GASK1B: variants seen among roughly 807,000 people sequenced by gnomAD.
GASK1B encodes the protein Golgi-associated kinase 1B.
In GASK1B, 34 loss-of-function variants were observed where a neutral mutation model predicts 42.8. The ratio of observed to expected loss-of-function variants is 0.79; its 90% CI spans 0.60 to 1.06. The LOEUF (loss-of-function observed/expected upper bound fraction) is 1.06, where lower values mean the gene tolerates loss of function less well. GASK1B is among the 50% of genes least tolerant of loss of function. GASK1B has a pLI of 0.00. For synonymous variants in GASK1B, 262 were observed against 259.1 expected, an observed-to-expected ratio of 1.01 and a Z score of -0.11; for missense variants, 686 against 661.0, an observed-to-expected ratio of 1.04 and a Z score of -0.42.
chr4:158,130,548 T>C (rs1228969664), intron 4 of GASK1B, among the ~76,000 whole-genome samples: 1 of 152,186 alleles, frequency 6.6e-6, no homozygotes, highest in African/African-American at 2.4e-5. Context: ...ACATCATGAA[T>C]GTGAAATGTA....
chr4:158,135,013 C>G (rs1388712901), intron 3 of GASK1B, among the ~76,000 whole-genome samples: 1 of 152,080 alleles, frequency 6.6e-6, no homozygotes, highest in Admixed American at 6.5e-5. Context: ...TAATTTCAGG[C>G]AATGCTTGGA....
intron 3 of GASK1B, among the ~76,000 whole-genome samples, chr4:158,137,326 G>C (rs180821013): frequency 6.8e-6 from 1 of 146,818 alleles, no homozygotes. Flanking sequence ...TTCAATCCAA[G>C]TTACCTCATT....
chr4:158,156,644 A>G (rs1445706559), intron 2 of GASK1B, among the ~76,000 whole-genome samples: 2 of 152,212 alleles, frequency 1.3e-5, no homozygotes, highest in African/African-American at 2.4e-5. Flanking sequence ...ATCCAGACAC[A>G]TTAAACAACA....
intron 2 of GASK1B, among the ~76,000 whole-genome samples, chr4:158,156,903 T>G (rs17037177): frequency 0.02 from 3,057 of 152,252 alleles, 105 homozygotes; most frequent in African/African-American, 0.068. Context: ...AAACCTCTCT[T>G]AAATAGCCTT....
intron 3 of GASK1B, among the ~76,000 whole-genome samples, chr4:158,150,568 A>T (rs1028623286): frequency 6.6e-6 from 1 of 152,212 alleles, no homozygotes; most frequent in African/African-American, 2.4e-5. Context: ...AATGTCTATC[A>T]ACCTGTGGCA....
rs1334906883 is a variant in GASK1B at position 158,168,691 on chromosome 4, G to A, written c.910+1775C>T. The A allele has an allele frequency of 2.0e-5, 3 of 152,086 alleles. No individual in the cohort carries two copies. In the East Asian group the frequency reaches 5.8e-4, roughly 29 times the overall value. 9.4% of individuals were successfully genotyped at this position (152,086 alleles called of 1,614,324 possible). A position where few individuals can be genotyped will look rare whatever the true frequency, so the allele number is the denominator to read the frequency against. On this transcript the variant is annotated intron_variant, in intron 2 of 4. Transcript: ENST00000585682. ...CTAGTCAGTCCAACTCCACGGCCCA[G>A]GCTCTTAGCCACTACTGCATTCTCC...
chr4:158,159,515 C>A (rs1175423821), intron 2 of GASK1B: 1 of 450,624 alleles, frequency 2.2e-6, no homozygotes, highest in Admixed American at 2.4e-5. Context: ...AAGCAACTTA[C>A]CCTGAAGTGT....
At position 158,170,971 on chromosome 4, in the gene GASK1B, C is replaced by T; in HGVS notation, c.405G>A (p.Val135=). 1 of 1,614,226 alleles carries T rather than the reference C, an allele frequency of 6.2e-7. No homozygotes were observed. Among genetic ancestry groups the T allele is most frequent in the South Asian group, 1.1e-5 (1 of 91,086 alleles). ...VKPKRRKKHA[V]ASAAPGQEAL... is the part of the protein sequence containing the mutation. Reference sequence around the variant, plus strand: ...CCTCCTGCCCTGGGGCAGCCGATGCCACTGCATGCTTTTTCCTGCGCTTGG... The same window carrying T: ...CCTCCTGCCCTGGGGCAGCCGATGCTACTGCATGCTTTTTCCTGCGCTTGG... The change falls in exon 2 of 5, where the codon GTG becomes GTA. Residue 135 remains valine, a synonymous_variant. Transcript: ENST00000585682.
At chr4:158,152,874 A>G (rs781600776) in intron 3 of GASK1B, among the ~76,000 whole-genome samples, 9 of 152,246 alleles carry the variant, frequency 5.9e-5, no homozygotes, top group Non-Finnish European at 1.0e-4. Flanking sequence ...GCCATCTATG[A>G]TAAACCCACA....
chr4:158,131,091 T>G (rs1421363675), intron 3 of GASK1B, 79 bp from the exon 4 acceptor site: 1 of 1,240,800 alleles, frequency 8.1e-7, no homozygotes, highest in African/African-American at 1.5e-5. Context: ...CAAAGATCAG[T>G]GCTTTCTGAA....
chr4:158,146,456 A>G (rs983956222), intron 3 of GASK1B, among the ~76,000 whole-genome samples: 17 of 152,286 alleles, frequency 1.1e-4, no homozygotes, highest in African/African-American at 3.6e-4. Context: ...TGCTTAATTC[A>G]TAAGTAATAC....
At chr4:158,156,540 C>T (rs751661730) in intron 2 of GASK1B, among the ~76,000 whole-genome samples, 6 of 152,136 alleles carry the variant, frequency 3.9e-5, no homozygotes, top group Non-Finnish European at 5.9e-5. Flanking sequence ...TTTTGTCTCA[C>T]TCTTGGAAGT....
chr4:158,166,941 G>C (rs1365856063), intron 2 of GASK1B, among the ~76,000 whole-genome samples: 1 of 152,042 alleles, frequency 6.6e-6, no homozygotes, highest in East Asian at 1.9e-4. Flanking sequence ...ATTTTTGCTG[G>C]ACAACTAACT....
chr4:158,127,223 A>C lies in GASK1B; in HGVS notation c.*184T>G, dbSNP rs1560773171. On this transcript the variant is annotated 3_prime_UTR_variant, in exon 5 of 5. Transcript: ENST00000585682. ...ATATTTCTCAAGTAGTTTGTTTTTC[A>C]AAACCTTTTTAAGTATGCATACAGT... 3 of 445,740 alleles carry C rather than the reference A, an allele frequency of 6.7e-6. No homozygotes were observed. The highest frequency in any genetic ancestry group is 7.9e-6 in the Non-Finnish European group (2 of 253,088). 27.6% of individuals were successfully genotyped at this position (445,740 alleles called of 1,614,324 possible).
intron 2 of GASK1B, chr4:158,168,271 G>A (rs985717915): frequency 6.6e-6 from 1 of 152,270 alleles, no homozygotes. Flanking sequence ...GCTATATTGA[G>A]ATCATAAACC....
chr4:158,135,506 T>G (rs1016543230), intron 3 of GASK1B, among the ~76,000 whole-genome samples: 5 of 151,942 alleles, frequency 3.3e-5, no homozygotes, highest in Admixed American at 6.6e-5. Flanking sequence ...CCTTAAGACA[T>G]AGGTGATACC....
Position 158,125,025 on chromosome 4 carries a change from G to A in GASK1B, c.*2382C>T, listed in dbSNP as rs1730396623. The A allele has an allele frequency of 6.6e-6, 1 of 152,140 alleles. No individual in the cohort carries two copies. The highest frequency in any genetic ancestry group is 1.5e-5 in the Non-Finnish European group (1 of 68,010). The allele number at this position is 152,140 out of a possible 1,614,324, so 9.4% of individuals were successfully genotyped here. On this transcript the variant is annotated 3_prime_UTR_variant, in exon 5 of 5. Transcript: ENST00000585682. ...AATAAAACACATATTGTGCTTATGTGAATAAAACCACAGCATAATCGGAGT... is the reference window on the plus strand; with the variant it reads ...AATAAAACACATATTGTGCTTATGTAAATAAAACCACAGCATAATCGGAGT...
chr4:158,171,190 A>C lies in GASK1B; in HGVS notation c.186T>G (p.His62Gln). ...VSQVGRASLQ[H>Q]GQAAEKGPHR... Reference sequence around the variant, plus strand: ...GTGGCCCCTTCTCAGCCGCCTGTCCATGCTGGAGAGAGGCCCTCCCCACCT... The same window carrying C: ...GTGGCCCCTTCTCAGCCGCCTGTCCCTGCTGGAGAGAGGCCCTCCCCACCT... The change falls in exon 2 of 5, where the codon CAT (histidine) becomes CAG (glutamine). Residue 62 changes from histidine to glutamine, a missense_variant. Physicochemically the swap from His to Gln is conservative, Grantham distance 24. Coordinates refer to ENST00000585682, the MANE Select transcript of GASK1B (RefSeq NM_001128424.2). 3.7e-6 allele frequency: 6 copies of C among 1,613,652 alleles called. 1 individual carries two copies. In the South Asian group the frequency reaches 5.5e-5, roughly 15 times the overall value.
At chr4:158,159,464 A>C (rs1274068050) in intron 2 of GASK1B, 1 of 424,824 alleles carries the variant, frequency 2.4e-6, no homozygotes, top group Non-Finnish European at 4.6e-6. Context: ...GGATTTGAAG[A>C]GATGACAGAA....
Sources: allele counts gnomAD v4.1 joint callset (sites outside exome capture counted in the v4.1 genomes callset), GRCh38; gene constraint gnomAD v4.1.1; transcripts MANE v1.5; gene names NCBI Gene and HGNC (gene_info 2026-07-23, HGNC 2026-07-21).